The following MAP2K6 variants were observed in gnomAD, a reference collection of about 807,000 sequenced individuals.
MAP2K6 encodes mitogen-activated protein kinase kinase 6.
Under a neutral mutation model 53.7 loss-of-function variants are expected in MAP2K6, and 16 were observed. The observed-to-expected ratio is 0.30, with a 90% confidence interval of 0.20 to 0.45. The LOEUF (loss-of-function observed/expected upper bound fraction) is 0.45, where lower values mean the gene tolerates loss of function less well. Ranked by LOEUF, MAP2K6 falls within the 20% of genes least tolerant of loss-of-function variation. MAP2K6 has a pLI of 1.00. For missense variants in MAP2K6, 204 were observed against 411.9 expected (o/e 0.50, Z 4.37); for synonymous variants, 132 against 143.1 (o/e 0.92, Z 0.55).
At chr17:69,453,145 T>C (rs1303977811) in intron 1 of MAP2K6, among the ~76,000 whole-genome samples, 1 of 152,200 alleles carries the variant, frequency 6.6e-6, no homozygotes, top group Non-Finnish European at 1.5e-5. Context: ...ATTTCTGGGA[T>C]AGGCACTAGT....
chr17:69,528,057 C>G (rs2521360), intron 10 of MAP2K6, among the ~76,000 whole-genome samples: 1 of 147,432 alleles, frequency 6.8e-6, no homozygotes, highest in Non-Finnish European at 1.5e-5. Flanking sequence ...TGCAGTGAGC[C>G]GAGATCACGC....
intron 10 of MAP2K6, among the ~76,000 whole-genome samples, chr17:69,534,627 G>A (rs574341529): frequency 2.8e-4 from 42 of 149,092 alleles, no homozygotes; most frequent in African/African-American, 9.2e-4. Context: ...GAACTACTTC[G>A]CTCTCTCATG....
chr17:69,481,084 A>C (rs1322603170), intron 1 of MAP2K6, among the ~76,000 whole-genome samples: 1 of 152,194 alleles, frequency 6.6e-6, no homozygotes, highest in Non-Finnish European at 1.5e-5. Flanking sequence ...ATCTGTCCCC[A>C]GAACTCTTTT....
In MAP2K6 at chr17:69,524,909, A is replaced by G. The variant is rs139650968; in HGVS notation, c.672A>G (p.Arg224=). ...AGCKPYMAPE[R]INPELNQKGY... ...GTCTGTCTTCTTTCCAGCCTGAAAG[A>G]ATAAACCCAGAGCTCAACCAGAAGG... The change falls in exon 9 of 12, where the codon AGA becomes AGG. Residue 224 remains arginine, a synonymous_variant. Transcript: ENST00000590474. The G allele has an allele frequency of 7.8e-4, 1,251 of 1,612,622 alleles. No homozygotes were observed. Among genetic ancestry groups the G allele is most frequent in the Non-Finnish European group, 1.0e-3 (1,192 of 1,178,944 alleles).
At chr17:69,518,150 A>G (rs753193380) in intron 4 of MAP2K6, among the ~76,000 whole-genome samples, 1 of 152,140 alleles carries the variant, frequency 6.6e-6, no homozygotes, top group African/African-American at 2.4e-5. Flanking sequence ...AGATCGTGCC[A>G]CTGCACTCCG....
chr17:69,446,400 A>T (rs1906965065), intron 1 of MAP2K6, among the ~76,000 whole-genome samples: 1 of 152,266 alleles, frequency 6.6e-6, no homozygotes, highest in African/African-American at 2.4e-5. Context: ...GAATTGCTGG[A>T]TTAAGAATCA....
In MAP2K6 at chr17:69,494,583, A is replaced by G. The variant is rs866318665; in HGVS notation, c.17-11197A>G. On this transcript the variant is annotated intron_variant, in intron 1 of 11. Transcript: ENST00000590474. The surrounding 1 kb of genome is among the most constrained non-coding windows in gnomAD (Gnocchi z 4.2). Reference sequence around the variant, plus strand: ...TAAGACCCTGTACTGATAGCATTCTAGGGGAGGAGTTGCAGATGAAGAACG... The same window carrying G: ...TAAGACCCTGTACTGATAGCATTCTGGGGGAGGAGTTGCAGATGAAGAACG... 1.9e-4 allele frequency among the ~76,000 whole-genome samples: 29 copies of G among 152,116 alleles called. No individual in the cohort carries two copies. Among genetic ancestry groups the G allele is most frequent in the Non-Finnish European group, 2.2e-4 (15 of 68,018 alleles).
chr17:69,485,769 A>G (rs1484209115), intron 1 of MAP2K6, among the ~76,000 whole-genome samples: 1 of 152,036 alleles, frequency 6.6e-6, no homozygotes, highest in African/African-American at 2.4e-5. Context: ...GTCCCTTGGG[A>G]CACTGCTTCA....
rs1439703763 is a variant in MAP2K6, at chr17:69,549,419, C to T, written c.*7666C>T. The T allele has an allele frequency of 3.9e-5, 6 of 152,124 alleles. No individual in the cohort carries two copies. In the East Asian group the frequency reaches 1.2e-3, roughly 29 times the overall value. The allele number at this position is 152,124 out of a possible 1,614,324, so 9.4% of individuals were successfully genotyped here. On this transcript the variant is annotated 3_prime_UTR_variant, in exon 12 of 12. Transcript: ENST00000590474. ...AATCTCTGGAGTTTGTAGCTTAGAC[C>T]AGGCCTTCAAAAGTCTTTTCTGTTT...
Position 69,494,236 on chromosome 17 carries a change from G to T in MAP2K6, c.17-11544G>T, listed in dbSNP as rs1163580569. ...AGGGAGGTCAGGTGCAGTGGCTCACGCCTGTAATCCCAGCATGTTGGGAGG... is the reference window on the plus strand; with the variant it reads ...AGGGAGGTCAGGTGCAGTGGCTCACTCCTGTAATCCCAGCATGTTGGGAGG... On this transcript the variant is annotated intron_variant, in intron 1 of 11. Transcript: ENST00000590474. The surrounding 1 kb of genome is among the most constrained non-coding windows in gnomAD (Gnocchi z 4.2). Among the ~76,000 whole-genome samples, 1 of 152,204 alleles carries T rather than the reference G, an allele frequency of 6.6e-6. No individual in the cohort carries two copies. The highest frequency in any genetic ancestry group is 1.5e-5 in the Non-Finnish European group (1 of 68,032).
At chr17:69,541,580 T>G in intron 11 of MAP2K6, 96 bp from the exon 12 acceptor site, 1 of 902,060 alleles carries the variant, frequency 1.1e-6, no homozygotes, top group Non-Finnish European at 1.7e-6. Flanking sequence ...ATAGGGATAC[T>G]TAATCCCTGT....
Position 69,482,554 on chromosome 17 carries a change from G to A in MAP2K6, c.17-23226G>A, listed in dbSNP as rs143081570. Among the ~76,000 whole-genome samples the A allele has an allele frequency of 5.0e-4, 75 of 151,198 alleles. 2 individuals are homozygous for A. The East Asian group carries it at 0.015, about 29-fold the overall frequency. On this transcript the variant is annotated intron_variant, in intron 1 of 11. Transcript: ENST00000590474. ...TTTCTTATACAAATGGTAATTTGTA[G>A]TCTTCTGCATCTTATTTCACTTAAT...
At chr17:69,455,468 CCT>C (rs754554688) in intron 1 of MAP2K6, among the ~76,000 whole-genome samples, 4 of 152,092 alleles carry the variant, frequency 2.6e-5, no homozygotes, top group South Asian at 2.1e-4. Flanking sequence ...GTATTTCTCC[CCT>C]GAGTCTCATT....
At position 69,543,461 on chromosome 17, in the gene MAP2K6, T is replaced by C. The variant is rs1344225703; in HGVS notation, c.*1708T>C. 4 of 152,158 alleles carry C rather than the reference T, an allele frequency of 2.6e-5. No homozygotes were observed. Among genetic ancestry groups the C allele is most frequent in the African/African-American group, 9.7e-5 (4 of 41,446 alleles). The allele number at this position is 152,158 out of a possible 1,614,324, so 9.4% of individuals were successfully genotyped here. A position where few individuals can be genotyped will look rare whatever the true frequency, so the allele number is the denominator to read the frequency against. Reference sequence around the variant, plus strand: ...CTTCTTCATATTCAGTTCCAAGATATATCTGCTTGATTAAACATGAGCTTC... The same window carrying C: ...CTTCTTCATATTCAGTTCCAAGATACATCTGCTTGATTAAACATGAGCTTC... On this transcript the variant is annotated 3_prime_UTR_variant, in exon 12 of 12. Transcript: ENST00000590474.
At chr17:69,520,732 C>A in intron 6 of MAP2K6, 1 of 375,468 alleles carries the variant, frequency 2.7e-6, no homozygotes, top group Non-Finnish European at 4.7e-6. Context: ...TAGAAGAAAG[C>A]AGAAGGAAAA....
chr17:69,440,056 C>A (rs1203773439), intron 1 of MAP2K6, among the ~76,000 whole-genome samples: 1 of 151,338 alleles, frequency 6.6e-6, no homozygotes, highest in Non-Finnish European at 1.5e-5. Context: ...TCTGTACTTT[C>A]TTTTTTTTTG....
chr17:69,505,721 T>C (rs1254065930), intron 1 of MAP2K6, 59 bp from the exon 2 acceptor site: 1 of 1,390,974 alleles, frequency 7.2e-7, no homozygotes, highest in Non-Finnish European at 1.0e-6. Context: ...CGCAGTCTCT[T>C]TCTCTGCTAT....
chr17:69,473,408 A>G lies in MAP2K6; in HGVS notation c.17-32372A>G, dbSNP rs1056403791. ...AAATTCTATATCTATGCAAGCATAT[A>G]TAGTTATAGGTTTGTGTACAAAAAT... On this transcript the variant is annotated intron_variant, in intron 1 of 11. Transcript: ENST00000590474. Among the ~76,000 whole-genome samples, 4 of 152,330 alleles carry G rather than the reference A, an allele frequency of 2.6e-5. No individual in the cohort carries two copies. The East Asian group carries it at 7.7e-4, about 29-fold the overall frequency.
At chr17:69,418,116 G>C in intron 1 of MAP2K6, among the ~76,000 whole-genome samples, 2 of 152,178 alleles carry the variant, frequency 1.3e-5, no homozygotes, top group Middle Eastern at 3.4e-3. Flanking sequence ...TGTACCAGAC[G>C]GACTTGTCAT....
Sources: allele counts gnomAD v4.1 joint callset (sites outside exome capture counted in the v4.1 genomes callset), GRCh38; gene constraint gnomAD v4.1.1; non-coding constraint Gnocchi (gnomAD v3.1); transcripts MANE v1.5; gene names NCBI Gene and HGNC (gene_info 2026-07-23, HGNC 2026-07-21).